The following ITSN1 variants were observed in gnomAD, a reference collection of about 807,000 sequenced individuals.
ITSN1 encodes intersectin 1.
Under a neutral mutation model 239.8 loss-of-function variants are expected in ITSN1, and 58 were observed. That is an observed-to-expected ratio of 0.24 (90% confidence interval 0.20 to 0.30). ITSN1 has a LOEUF of 0.30. Among genes scored for constraint, ITSN1 ranks in the 10% least tolerant of loss-of-function variants. The probability of loss-of-function intolerance (pLI) is 1.00; values close to 1 mark genes in which losing one functional copy is unlikely to be tolerated. For missense variants in ITSN1, 1,558 were observed against 2,103.3 expected, an observed-to-expected ratio of 0.74 and a Z score of 5.07; for synonymous variants, 780 against 770.8, an observed-to-expected ratio of 1.01 and a Z score of -0.20.
intron 4 of ITSN1, among the ~76,000 whole-genome samples, chr21:33,723,237 A>G (rs1332594052): frequency 6.6e-6 from 1 of 152,138 alleles, no homozygotes; most frequent in East Asian, 1.9e-4. Context: ...TTGTCCTCTA[A>G]GATGTCTCAT....
In ITSN1 at chr21:33,895,134, C is replaced by T. The variant is rs1412126740; in HGVS notation, c.*6834C>T. On this transcript the variant is annotated 3_prime_UTR_variant, in exon 40 of 40. Coordinates refer to ENST00000381318, the MANE Select transcript of ITSN1 (RefSeq NM_003024.3). ...TTCAAGCCTAGCGCGCCAGGGGTCT[C>T]CAGTGAGACCTTGCTCTTCCCTGCC... is the stretch of plus-strand genomic sequence containing the variant. The T allele has an allele frequency of 6.6e-6, 1 of 152,226 alleles. No individual in the cohort carries two copies. The highest frequency in any genetic ancestry group is 1.5e-5 in the Non-Finnish European group (1 of 68,070). The allele number at this position is 152,226 out of a possible 1,614,324, so 9.4% of individuals were successfully genotyped here.
intron 20 of ITSN1, among the ~76,000 whole-genome samples, chr21:33,808,263 A>G (rs1409186212): frequency 6.6e-6 from 1 of 151,668 alleles, no homozygotes; most frequent in Non-Finnish European, 1.5e-5. Context: ...GCGCAACATC[A>G]GAGCTGGACA....
intron 29 of ITSN1, chr21:33,837,376 C>A: frequency 1.0e-6 from 1 of 995,400 alleles, no homozygotes; most frequent in Non-Finnish European, 1.2e-6. Context: ...TAAATGACTT[C>A]TTTGCTATTT....
In ITSN1 at chr21:33,718,560, G is replaced by C. The variant is rs114081097; in HGVS notation, c.-32-237G>C. ...CTGTGCCATTTTATATCAGGGACTT[G>C]AGGATCCACGGATTTTTTTTTAATC... On this transcript the variant is annotated intron_variant, in intron 1 of 39. Transcript: ENST00000381318. Among the ~76,000 whole-genome samples the C allele has an allele frequency of 0.021, 3,260 of 152,238 alleles. 126 individuals carry two copies. The highest frequency in any genetic ancestry group is 0.075 in the African/African-American group (3,121 of 41,522).
At chr21:33,650,591 C>T (rs2088426964) in intron 1 of ITSN1, among the ~76,000 whole-genome samples, 1 of 152,192 alleles carries the variant, frequency 6.6e-6, no homozygotes, top group African/African-American at 2.4e-5. Context: ...CATTTCCGCT[C>T]TGAACTTAAG....
rs967921061 is a variant in ITSN1 at position 33,894,828 on chromosome 21, A to C, written c.*6528A>C. ...CAAAGAAAGGGTGTAGTGGCTTTGC[A>C]GCGTTGGGTGAGCAGCAGCCGCTGC... is the stretch of plus-strand genomic sequence containing the variant. On this transcript the variant is annotated 3_prime_UTR_variant, in exon 40 of 40. Coordinates refer to ENST00000381318, the MANE Select transcript of ITSN1 (RefSeq NM_003024.3). 3 of 152,212 alleles carry C rather than the reference A, an allele frequency of 2.0e-5. No individual in the cohort carries two copies. The highest frequency in any genetic ancestry group is 7.2e-5 in the African/African-American group (3 of 41,448). 9.4% of individuals were successfully genotyped at this position (152,212 alleles called of 1,614,324 possible).
chr21:33,775,488 G>A (rs1270190291), intron 14 of ITSN1, among the ~76,000 whole-genome samples: 1 of 152,190 alleles, frequency 6.6e-6, no homozygotes, highest in African/African-American at 2.4e-5. Flanking sequence ...GAGTCCTAGG[G>A]ATAGGAAATG....
intron 5 of ITSN1, among the ~76,000 whole-genome samples, chr21:33,746,692 A>G (rs765818278): frequency 3.3e-5 from 5 of 151,294 alleles, no homozygotes; most frequent in African/African-American, 9.7e-5. Flanking sequence ...AATACAAAAA[A>G]TTAGCTGGAC....
In ITSN1 at chr21:33,811,048, C is replaced by A; in HGVS notation, c.2393C>A (p.Ala798Glu). 6.2e-7 allele frequency: 1 copy of A among 1,614,188 alleles called. No individual in the cohort carries two copies. The highest frequency in any genetic ancestry group is 1.1e-5 in the South Asian group (1 of 91,088). The change falls in exon 21 of 40, where the codon GCA (alanine) becomes GAA (glutamate). Residue 798 changes from alanine (A) to glutamate (E), a missense_variant. By Grantham distance (107) the Ala-to-Glu change is moderately radical. Around this residue, in one of 2 missense-constraint regions of ITSN1, gnomAD observed 982 missense variants for 1,209.9 expected, o/e 0.81. Coordinates refer to ENST00000381318, the MANE Select transcript of ITSN1 (RefSeq NM_003024.3). ...ELKGKTGWFP[A>E]NYAEKIPENE... is the part of the protein sequence containing the mutation. ...AAAGGAAAGACAGGGTGGTTCCCTG[C>A]AAACTATGCAGAGAAAATCCCAGAA... is the stretch of plus-strand genomic sequence containing the variant.
intron 1 of ITSN1, among the ~76,000 whole-genome samples, chr21:33,702,638 G>GT (rs2092075830): frequency 6.6e-6 from 1 of 151,882 alleles, no homozygotes; most frequent in South Asian, 2.1e-4. Flanking sequence ...ATCCCTAATT[G>GT]TTTATGTTTT....
chr21:33,782,192 A>G lies in ITSN1; in HGVS notation c.1824+59A>G, dbSNP rs1327514694. 8.6e-6 allele frequency: 13 copies of G among 1,509,404 alleles called. No homozygotes were observed. The Admixed American group carries it at 1.3e-4, about 15-fold the overall frequency. The allele number at this position is 1,509,404 out of a possible 1,614,324, so 93.5% of individuals were successfully genotyped here. On this transcript the variant is annotated intron_variant, in intron 16 of 39. Transcript: ENST00000381318. ...TACCTTTAATTTTTTTAACTGTCCA[A>G]ATGATTAGTTGCTATTTAATCACAG...
At chr21:33,653,832 T>C (rs2088784169) in intron 1 of ITSN1, among the ~76,000 whole-genome samples, 2 of 152,126 alleles carry the variant, frequency 1.3e-5, no homozygotes, top group East Asian at 3.9e-4. Flanking sequence ...AATGTCTTTC[T>C]TTTTTTTGAG....
At chr21:33,823,258 G>A (rs575953132) in intron 24 of ITSN1, among the ~76,000 whole-genome samples, 1 of 152,166 alleles carries the variant, frequency 6.6e-6, no homozygotes, top group African/African-American at 2.4e-5. Flanking sequence ...TCCTGTGTCT[G>A]GGTCTTCCCA....
At chr21:33,729,409 C>T (rs1407747564) in intron 4 of ITSN1, among the ~76,000 whole-genome samples, 2 of 151,484 alleles carry the variant, frequency 1.3e-5, no homozygotes, top group Non-Finnish European at 2.9e-5. Flanking sequence ...GATTGTGCCA[C>T]TGTACTCCAG....
intron 1 of ITSN1, among the ~76,000 whole-genome samples, chr21:33,690,493 G>A (rs1418306592): frequency 6.7e-6 from 1 of 149,232 alleles, no homozygotes; most frequent in African/African-American, 2.5e-5. Context: ...CCAGCTACTC[G>A]AGAGGCTGAG....
At chr21:33,711,665 TG>T (rs2092422339) in intron 1 of ITSN1, among the ~76,000 whole-genome samples, 1 of 150,068 alleles carries the variant, frequency 6.7e-6, no homozygotes, top group African/African-American at 2.4e-5. Context: ...TGTGTGTGTG[TG>T]TGTGTGTGTG....
In ITSN1 at chr21:33,747,888, G is replaced by T. The variant is rs558956786; in HGVS notation, c.347-2255G>T. On this transcript the variant is annotated intron_variant, in intron 5 of 39. Transcript: ENST00000381318. ...AGGTGGTAACTTTAATATATGGAAA[G>T]AAATGAAGAGCATCAAAAATGGTAA... is the stretch of plus-strand genomic sequence containing the variant. Among the ~76,000 whole-genome samples, 4 of 152,280 alleles carry T rather than the reference G, an allele frequency of 2.6e-5. No homozygotes were observed. The South Asian group carries it at 8.3e-4, about 32-fold the overall frequency.
In ITSN1 at chr21:33,885,138, C is replaced by T. The variant is rs758174979; in HGVS notation, c.4759+15C>T. The T allele has an allele frequency of 3.3e-5, 53 of 1,606,368 alleles. No individual in the cohort carries two copies. Among genetic ancestry groups the T allele is most frequent in the East Asian group, 1.3e-4 (6 of 44,854 alleles). On this transcript the variant is annotated intron_variant, in intron 37 of 39. Transcript: ENST00000381318. Reference sequence around the variant, plus strand: ...AGCGTACCTGGGTAATGCATGGCCCCGCGGGGTGTCCTGCACAGCTGGGCA... The same window carrying T: ...AGCGTACCTGGGTAATGCATGGCCCTGCGGGGTGTCCTGCACAGCTGGGCA...
chr21:33,843,206 G>C (rs1193687962), intron 29 of ITSN1, among the ~76,000 whole-genome samples: 2 of 152,206 alleles, frequency 1.3e-5, no homozygotes, highest in Non-Finnish European at 2.9e-5. Flanking sequence ...CGTACCATTT[G>C]ATGCACAGAT....
Sources: gnomAD v4.1 joint callset for allele counts (sites outside exome capture counted in the v4.1 genomes callset) on GRCh38, gnomAD v4.1.1 for gene constraint, gnomAD v4.1.1 regional missense constraint, MANE v1.5 for transcripts, NCBI Gene and HGNC (gene_info 2026-07-23, HGNC 2026-07-21) for gene names.